CTNNA2: variants seen among roughly 807,000 people sequenced by gnomAD.
The protein encoded by CTNNA2 is catenin alpha-2.
CTNNA2 carries 42 observed loss-of-function variants against 101.0 expected under a neutral mutation model. The observed-to-expected ratio is 0.42, with a 90% CI of 0.32 to 0.54. The LOEUF is 0.54. CTNNA2 is among the 20% of genes least tolerant of loss of function. CTNNA2 has a pLI of 0.14. For missense variants in CTNNA2, 871 were observed against 1,223.1 expected (o/e 0.71, Z 4.29); for synonymous variants, 450 against 456.4 (o/e 0.99, Z 0.18).
chr2:80,050,165 A>G (rs1696785808), intron 7 of CTNNA2, among the ~76,000 whole-genome samples: 1 of 152,140 alleles, frequency 6.6e-6, no homozygotes, highest in Admixed American at 6.5e-5. Context: ...GTATTACCAC[A>G]CAGGGTGTAT....
intron 2 of CTNNA2, among the ~76,000 whole-genome samples, chr2:79,205,744 G>T (rs140160354): frequency 6.6e-6 from 1 of 152,152 alleles, no homozygotes; most frequent in African/African-American, 2.4e-5. Context: ...TAGTGGGAAA[G>T]GTCAATGAAA....
At chr2:80,424,020 A>G (rs1198810813) in intron 9 of CTNNA2, among the ~76,000 whole-genome samples, 1 of 151,992 alleles carries the variant, frequency 6.6e-6, no homozygotes, top group East Asian at 1.9e-4. Context: ...CAGTGGCGCA[A>G]TCTCTGCTCA....
At chr2:80,356,132 G>A (rs2149307177) in intron 7 of CTNNA2, among the ~76,000 whole-genome samples, 1 of 152,200 alleles carries the variant, frequency 6.6e-6, no homozygotes, top group African/African-American at 2.4e-5. Flanking sequence ...CAATAAGATA[G>A]GGAACATGCC....
intron 3 of CTNNA2, among the ~76,000 whole-genome samples, chr2:79,854,771 G>C (rs974333980): frequency 6.6e-6 from 1 of 152,190 alleles, no homozygotes; most frequent in African/African-American, 2.4e-5. Flanking sequence ...AAGTACATGA[G>C]ATTGAACAAG....
intron 7 of CTNNA2, among the ~76,000 whole-genome samples, chr2:80,078,999 T>C (rs1489288924): frequency 6.6e-6 from 1 of 152,188 alleles, no homozygotes; most frequent in African/African-American, 2.4e-5. Flanking sequence ...AACTATGCTT[T>C]GCCCTACCTT....
chr2:79,559,058 G>A (rs1303844119), intron 1 of CTNNA2, among the ~76,000 whole-genome samples: 1 of 151,684 alleles, frequency 6.6e-6, no homozygotes, highest in Non-Finnish European at 1.5e-5. Context: ...ATTATTGTAG[G>A]TGCTTAAAAA....
intron 7 of CTNNA2, among the ~76,000 whole-genome samples, chr2:80,232,197 A>C (rs1709254184): frequency 6.6e-6 from 1 of 152,274 alleles, no homozygotes; most frequent in African/African-American, 2.4e-5. Flanking sequence ...TAAAACATGT[A>C]AAACCAAGCT....
At chr2:80,183,887 GTGT>G (rs1309499825) in intron 7 of CTNNA2, among the ~76,000 whole-genome samples, 19 of 21,280 alleles carry the variant, frequency 8.9e-4, no homozygotes, top group African/African-American at 3.7e-3. Context: ...GCTCTTGGGT[GTGT>G]GTGTGTGTGT....
chr2:79,279,622 A>G (rs570013092), intron 2 of CTNNA2, among the ~76,000 whole-genome samples: 1 of 152,260 alleles, frequency 6.6e-6, no homozygotes, highest in Admixed American at 6.5e-5. Flanking sequence ...ACATCTTTAA[A>G]GGAAAATTAG....
At chr2:80,158,964 T>G (rs564015529) in intron 7 of CTNNA2, among the ~76,000 whole-genome samples, 1 of 152,126 alleles carries the variant, frequency 6.6e-6, no homozygotes, top group Non-Finnish European at 1.5e-5. Context: ...TCCGTGACAT[T>G]TGGGGATTGG....
intron 7 of CTNNA2, among the ~76,000 whole-genome samples, chr2:80,373,549 G>T (rs1002102986): frequency 6.6e-6 from 1 of 152,132 alleles, no homozygotes. Context: ...GATTAAATTT[G>T]TCTCTGGATG....
intron 7 of CTNNA2, among the ~76,000 whole-genome samples, chr2:79,921,748 GAGACTT>G (rs1686666536): frequency 6.6e-6 from 1 of 152,184 alleles, no homozygotes; most frequent in Non-Finnish European, 1.5e-5. Context: ...ATGCAGCTGA[GAGACTT>G]AGAGCATCAA....
intron 7 of CTNNA2, among the ~76,000 whole-genome samples, chr2:80,013,981 A>C (rs1056049916): frequency 6.6e-6 from 1 of 152,148 alleles, no homozygotes; most frequent in Non-Finnish European, 1.5e-5. Context: ...TCTGAAGTTC[A>C]GTAAGGAGAA....
intron 7 of CTNNA2, among the ~76,000 whole-genome samples, chr2:80,052,831 A>G (rs1696965577): frequency 6.6e-6 from 1 of 152,178 alleles, no homozygotes; most frequent in Admixed American, 6.5e-5. Flanking sequence ...TAAGAATCCA[A>G]ACTCAAGGAA....
intron 1 of CTNNA2, among the ~76,000 whole-genome samples, chr2:79,548,778 ACT>A (rs1673898600): frequency 6.6e-6 from 1 of 151,872 alleles, no homozygotes; most frequent in Non-Finnish European, 1.5e-5. Context: ...TGAATGCAAC[ACT>A]CTCTGTTGGG....
chr2:80,553,710 T>C (rs1313187021), intron 11 of CTNNA2, among the ~76,000 whole-genome samples: 2 of 152,242 alleles, frequency 1.3e-5, no homozygotes, highest in Non-Finnish European at 2.9e-5. Flanking sequence ...AATCCTTTTC[T>C]AGTTACTTAC....
intron 18 of CTNNA2, among the ~76,000 whole-genome samples, chr2:80,624,059 T>C (rs1227093142): frequency 6.6e-6 from 1 of 151,970 alleles, no homozygotes; most frequent in Non-Finnish European, 1.5e-5. Context: ...CAAGAGACCA[T>C]CCTTCATTTT....
At chr2:79,512,426 C>T (rs1266950475), upstream of CTNNA2, among the ~76,000 whole-genome samples, 4 of 152,122 alleles carry the variant, frequency 2.6e-5, no homozygotes, top group African/African-American at 7.2e-5. Context: ...CCTTCCTCTC[C>T]CCTCGGGACT....
chr2:80,496,321 G>A (rs531299409), intron 9 of CTNNA2, among the ~76,000 whole-genome samples: 5 of 152,088 alleles, frequency 3.3e-5, no homozygotes, highest in Non-Finnish European at 5.9e-5. Context: ...GTGAAGAGCC[G>A]GGTGTAATGT....
Sources: gnomAD v4.1 joint callset for allele counts (sites outside exome capture counted in the v4.1 genomes callset) on GRCh38, gnomAD v4.1.1 for gene constraint, MANE v1.5 for transcripts, NCBI Gene and HGNC (gene_info 2026-07-23, HGNC 2026-07-21) for gene names.